The following CDH4 variants were observed in gnomAD, a reference collection of about 807,000 sequenced individuals.
The protein encoded by CDH4 is cadherin-4.
In CDH4, 33 loss-of-function variants were observed where a neutral mutation model predicts 86.0. The observed-to-expected ratio is 0.38, with a 90% CI of 0.29 to 0.51. The LOEUF (loss-of-function observed/expected upper bound fraction) is 0.51, where lower values mean the gene tolerates loss of function less well. Among genes scored for constraint, CDH4 ranks in the 20% least tolerant of loss-of-function variants. The pLI is 0.86. For synonymous variants in CDH4, 555 were observed against 549.4 expected (o/e 1.01, Z -0.14); for missense variants, 1,114 against 1,307.4 (o/e 0.85, Z 2.28).
intron 2 of CDH4, among the ~76,000 whole-genome samples, chr20:61,602,374 TC>T (rs2086608232): frequency 6.6e-6 from 1 of 152,004 alleles, no homozygotes; most frequent in Non-Finnish European, 1.5e-5. Context: ...AATGACCAGG[TC>T]CTCAAAGGAA....
chr20:61,753,507 C>T (rs958520749), intron 3 of CDH4, among the ~76,000 whole-genome samples: 2 of 152,130 alleles, frequency 1.3e-5, no homozygotes, highest in African/African-American at 4.8e-5. Context: ...AAGCTGATAG[C>T]AATTCAATTA....
At chr20:61,914,052 G>A (rs2054879168) in intron 9 of CDH4, among the ~76,000 whole-genome samples, 1 of 152,138 alleles carries the variant, frequency 6.6e-6, no homozygotes, top group South Asian at 2.1e-4. Flanking sequence ...TGCTGCCTGC[G>A]AGCCACGTTC....
chr20:61,730,227 A>G (rs1004756492), intron 2 of CDH4, among the ~76,000 whole-genome samples: 4 of 152,044 alleles, frequency 2.6e-5, no homozygotes, highest in Admixed American at 1.3e-4. Context: ...GGACAAATGC[A>G]TGGTGGGTTT....
intron 3 of CDH4, among the ~76,000 whole-genome samples, chr20:61,745,327 GT>G (rs1231235404): frequency 6.6e-6 from 1 of 152,208 alleles, no homozygotes; most frequent in Non-Finnish European, 1.5e-5. Context: ...TGCAAGACAG[GT>G]GTGCCAAGGA....
rs1032171428 is a variant in CDH4 at position 61,894,845 on chromosome 20, AGTGCCCT to A, written c.1051-62_1051-56del. On this transcript the variant is annotated intron_variant, in intron 7 of 15. Transcript: ENST00000614565. ...TCCTGTAAACGGATTTCTTTTGATA[AGTGCCCT>A]GTCAATTAAAACCCAAACTGATTTT... The A allele has an allele frequency of 7.9e-6, 12 of 1,524,700 alleles. No individual in the cohort carries two copies. In the Admixed American group the frequency reaches 2.3e-4, roughly 29 times the overall value. 94.4% of individuals were successfully genotyped at this position (1,524,700 alleles called of 1,614,324 possible).
At chr20:61,375,547 TTGGTGGTGGTGATGATGGTGGCGC>T (rs1359861776) in intron 2 of CDH4, among the ~76,000 whole-genome samples, 1 of 147,502 alleles carries the variant, frequency 6.8e-6, no homozygotes, top group East Asian at 2.0e-4. Flanking sequence ...TGTGATGGTC[TTGGTGGTGGTGATGATGGTGGCGC>T]TGGTGGTGGT....
rs1158232913 is a variant in CDH4, at chr20:61,843,412, T to TGCAGTCC, written c.577-1247_577-1241dup. 3.4e-4 allele frequency among the ~76,000 whole-genome samples: 45 copies of TGCAGTCC among 132,930 alleles called. No individual in the cohort carries two copies. The Middle Eastern group carries it at 0.018, about 52-fold the overall frequency. 87.2% of individuals were successfully genotyped at this position (132,930 alleles called of 152,430 possible). On this transcript the variant is annotated intron_variant, in intron 4 of 15. Transcript: ENST00000614565. Reference sequence around the variant, plus strand: ...TTGCAGTGAGCCGAGATTGCACCACTGCAGTCCGCAGTCCGGCCTGGGCGA... The same window carrying TGCAGTCC: ...TTGCAGTGAGCCGAGATTGCACCACTGCAGTCCGCAGTCCGCAGTCCGGCCTGGGCGA...
chr20:61,910,000 G>A (rs1347325875), intron 8 of CDH4, among the ~76,000 whole-genome samples: 2 of 152,266 alleles, frequency 1.3e-5, no homozygotes, highest in East Asian at 1.9e-4. Context: ...AGGTCTGCAC[G>A]CCTGCTTCAG....
chr20:61,309,414 C>T (rs544302662), intron 2 of CDH4, among the ~76,000 whole-genome samples: 1 of 150,494 alleles, frequency 6.6e-6, no homozygotes, highest in South Asian at 2.2e-4. Flanking sequence ...CCTTGAGTTT[C>T]CAGAACCATG....
chr20:61,538,140 G>A (rs989683682), intron 2 of CDH4, among the ~76,000 whole-genome samples: 4 of 152,222 alleles, frequency 2.6e-5, no homozygotes, highest in African/African-American at 9.6e-5. Context: ...ACCCAAAGCT[G>A]TATTTTCCAG....
At chr20:61,729,678 G>A (rs907539648) in intron 2 of CDH4, among the ~76,000 whole-genome samples, 1 of 152,182 alleles carries the variant, frequency 6.6e-6, no homozygotes, top group African/African-American at 2.4e-5. Context: ...GGGGGACAGG[G>A]CCACACCGGA....
chr20:61,485,014 G>A (rs942198950), intron 2 of CDH4, among the ~76,000 whole-genome samples: 1 of 152,184 alleles, frequency 6.6e-6, no homozygotes, highest in South Asian at 2.1e-4. Flanking sequence ...GCATTAATAT[G>A]GTCACCGGCT....
At chr20:61,756,167 C>A (rs1022035809) in intron 3 of CDH4, among the ~76,000 whole-genome samples, 1 of 152,190 alleles carries the variant, frequency 6.6e-6, no homozygotes, top group African/African-American at 2.4e-5. Flanking sequence ...GTGAACGCAC[C>A]CCCTGGGCTG....
intron 14 of CDH4, among the ~76,000 whole-genome samples, chr20:61,933,333 C>T (rs1037701941): frequency 6.6e-6 from 1 of 152,256 alleles, no homozygotes; most frequent in Admixed American, 6.5e-5. Context: ...GGGACCCCTC[C>T]CATCCTCGCC....
chr20:61,748,611 C>A (rs533143127), intron 3 of CDH4, among the ~76,000 whole-genome samples: 3 of 152,274 alleles, frequency 2.0e-5, no homozygotes, highest in South Asian at 2.1e-4. Context: ...TGAATCACAG[C>A]AGTGTAATGT....
intron 5 of CDH4, among the ~76,000 whole-genome samples, chr20:61,845,562 G>A (rs968509769): frequency 3.9e-5 from 6 of 152,236 alleles, no homozygotes; most frequent in Non-Finnish European, 8.8e-5. Flanking sequence ...CGCCAGCAGC[G>A]CAGAACAGGC....
At chr20:61,883,113 G>A (rs533611286) in intron 7 of CDH4, among the ~76,000 whole-genome samples, 102 of 85,838 alleles carry the variant, frequency 1.2e-3, no homozygotes, top group African/African-American at 1.8e-3. Context: ...AGCCCACCCC[G>A]CCTGCCCCAG....
intron 2 of CDH4, among the ~76,000 whole-genome samples, chr20:61,456,953 C>T (rs1357045157): frequency 6.6e-6 from 1 of 152,172 alleles, no homozygotes. Context: ...AATGGAAACT[C>T]GCTGCACAAA....
At chr20:61,594,485 C>T (rs575059392) in intron 2 of CDH4, among the ~76,000 whole-genome samples, 93 of 152,304 alleles carry the variant, frequency 6.1e-4, no homozygotes, top group African/African-American at 2.2e-3. Flanking sequence ...GTCCCCTCAA[C>T]GTCAACAGCA....
Sources: gnomAD v4.1 joint callset for allele counts (sites outside exome capture counted in the v4.1 genomes callset) on GRCh38, gnomAD v4.1.1 for gene constraint, MANE v1.5 for transcripts, NCBI Gene and HGNC (gene_info 2026-07-23, HGNC 2026-07-21) for gene names.